Variants in SNX8 observed in about 807,000 individuals in gnomAD.
SNX8 encodes sorting nexin 8, also known as sorting nexin-8.
SNX8 carries 25 observed loss-of-function variants against 51.6 expected under a neutral mutation model. That is an observed-to-expected ratio of 0.48 (90% confidence interval 0.35 to 0.68). The LOEUF is 0.68. SNX8 is among the 30% of genes least tolerant of loss of function. The pLI, the probability that SNX8 is intolerant of heterozygous loss-of-function variation, is 0.00. For missense variants in SNX8, 695 were observed against 624.0 expected, an observed-to-expected ratio of 1.11 and a Z score of -1.21; for synonymous variants, 324 against 277.0, an observed-to-expected ratio of 1.17 and a Z score of -1.68.
chr7:2,275,118 G>C lies in SNX8; in HGVS notation c.412C>G (p.Leu138Val). 6.2e-7 allele frequency: 1 copy of C among 1,609,380 alleles called. No individual in the cohort carries two copies. Among genetic ancestry groups the C allele is most frequent in the African/African-American group, 1.3e-5 (1 of 74,980 alleles). ...MVPALPPKRM[L>V]GADREFIEAR... Reference sequence around the variant, plus strand: ...GCAGCACGCCTGGCTTTACCTCCCAGCATTCTCTTGGGTGGCAGGGCAGGC... The same window carrying C: ...GCAGCACGCCTGGCTTTACCTCCCACCATTCTCTTGGGTGGCAGGGCAGGC... The change falls in exon 3 of 11, where the codon CTG becomes GTG. Residue 138 changes from leucine to valine, a missense_variant. Coordinates refer to ENST00000222990, the MANE Select transcript of SNX8 (RefSeq NM_013321.4).
At chr7:2,353,513 C>T (rs1779213712) in intron 1 of SNX8, among the ~76,000 whole-genome samples, 3 of 152,122 alleles carry the variant, frequency 2.0e-5, no homozygotes, top group Admixed American at 1.3e-4. Flanking sequence ...AACTCTTGGG[C>T]TCAAGTGATC....
chr7:2,317,562 C>G (rs1393387491), upstream of SNX8, among the ~76,000 whole-genome samples: 1 of 151,842 alleles, frequency 6.6e-6, no homozygotes, highest in Non-Finnish European at 1.5e-5. Flanking sequence ...CAGGTGTGAG[C>G]CACCGTGCCC....
At chr7:2,258,146 G>A (rs1385035646) in intron 7 of SNX8, among the ~76,000 whole-genome samples, 2 of 152,092 alleles carry the variant, frequency 1.3e-5, no homozygotes, top group African/African-American at 2.4e-5. Flanking sequence ...GAGTAGCTGG[G>A]ACTACAGGCG....
intron 1 of SNX8, among the ~76,000 whole-genome samples, chr7:2,335,003 C>A (rs912990598): frequency 2.0e-5 from 3 of 152,034 alleles, no homozygotes; most frequent in Middle Eastern, 3.4e-3. Context: ...CGAGGCCAGC[C>A]TGTCCAATGT....
At chr7:2,285,202 A>T (rs1795998857) in intron 1 of SNX8, among the ~76,000 whole-genome samples, 1 of 130,572 alleles carries the variant, frequency 7.7e-6, no homozygotes, top group Admixed American at 9.1e-5. Context: ...ACAGAGCAAG[A>T]CTCCGTCTCA....
intron 1 of SNX8, among the ~76,000 whole-genome samples, chr7:2,345,013 G>T (rs1778995317): frequency 6.6e-6 from 1 of 152,188 alleles, no homozygotes; most frequent in South Asian, 2.1e-4. Context: ...GCTGGAGGGA[G>T]TGTAAATTGG....
At chr7:2,263,180 G>C in intron 7 of SNX8, 50 bp downstream of exon 7, 1 of 1,603,660 alleles carries the variant, frequency 6.2e-7, no homozygotes, top group East Asian at 2.2e-5. Context: ...CCCATGCAAA[G>C]GCATAGCGTG....
At chr7:2,329,594 C>T (rs1169087409) in intron 1 of SNX8, among the ~76,000 whole-genome samples, 1 of 152,192 alleles carries the variant, frequency 6.6e-6, no homozygotes, top group Non-Finnish European at 1.5e-5. Context: ...CTTCCCCCAC[C>T]TTAAGACTGT....
intron 1 of SNX8, among the ~76,000 whole-genome samples, chr7:2,288,828 G>A (rs973562740): frequency 2.6e-5 from 4 of 152,082 alleles, no homozygotes; most frequent in Non-Finnish European, 4.4e-5. Flanking sequence ...TGACGTCCCC[G>A]GCTCAAGCAA....
At chr7:2,271,782 G>A (rs1245227320) in intron 4 of SNX8, 68 bp downstream of exon 4, 34 of 1,533,908 alleles carry the variant, frequency 2.2e-5, no homozygotes, top group Non-Finnish European at 3.0e-5. Flanking sequence ...ACCTGAGAGA[G>A]GAAAAGGCGG....
chr7:2,292,964 G>A (rs1796187669), intron 1 of SNX8, among the ~76,000 whole-genome samples: 2 of 151,960 alleles, frequency 1.3e-5, no homozygotes, highest in Admixed American at 6.6e-5. Context: ...AGGCTGCAGT[G>A]AGCTACAATC....
In SNX8 at chr7:2,314,440, G is replaced by C; in HGVS notation, c.-19C>G. On this transcript the variant is annotated 5_prime_UTR_variant, in exon 1 of 11. Coordinates refer to ENST00000222990, the MANE Select transcript of SNX8 (RefSeq NM_013321.4). Reference sequence around the variant, plus strand: ...CAGTCATGTGAGCCCGCGCTCCCACGTGACTTCCTCCCGCGCCACCCGGCC... The same window carrying C: ...CAGTCATGTGAGCCCGCGCTCCCACCTGACTTCCTCCCGCGCCACCCGGCC... The C allele has an allele frequency of 8.3e-7, 1 of 1,209,570 alleles. No individual in the cohort carries two copies. The highest frequency in any genetic ancestry group is 1.0e-6 in the Non-Finnish European group (1 of 973,534). The allele number at this position is 1,209,570 out of a possible 1,614,324, so 74.9% of individuals were successfully genotyped here. A position where few individuals can be genotyped will look rare whatever the true frequency, so the allele number is the denominator to read the frequency against.
At chr7:2,265,950 A>G (rs954602979) in intron 5 of SNX8, among the ~76,000 whole-genome samples, 11 of 152,046 alleles carry the variant, frequency 7.2e-5, no homozygotes, top group Non-Finnish European at 1.3e-4. Context: ...CATCTATACC[A>G]AAAACAAACA....
At chr7:2,291,812 C>A (rs538820688) in intron 1 of SNX8, among the ~76,000 whole-genome samples, 5 of 152,150 alleles carry the variant, frequency 3.3e-5, no homozygotes, top group African/African-American at 1.2e-4. Flanking sequence ...CCTTTTTGAA[C>A]CTTCCTCAAC....
At position 2,303,368 on chromosome 7, in the gene SNX8, T is replaced by C. The variant is rs376978940; in HGVS notation, c.94+10960A>G. The stretch of plus-strand genomic sequence containing the variant: ...CCCCCGCCCAGCCAGCCGCCCCGTC[T>C]GGGAGGTGAGGGGCGCCTCTGCCCG... On this transcript the variant is annotated intron_variant, in intron 1 of 10. Transcript: ENST00000222990. Among the ~76,000 whole-genome samples the C allele has an allele frequency of 9.3e-4, 133 of 142,930 alleles. 1 individual carries two copies. The highest frequency in any genetic ancestry group is 3.0e-3 in the African/African-American group (114 of 38,198). The allele number at this position is 142,930 out of a possible 152,430, so 93.8% of individuals were successfully genotyped here. A position where few individuals can be genotyped will look rare whatever the true frequency, so the allele number is the denominator to read the frequency against.
chr7:2,326,184 T>C (rs1562458648), intron 1 of SNX8, among the ~76,000 whole-genome samples: 1 of 150,886 alleles, frequency 6.6e-6, no homozygotes, highest in Non-Finnish European at 1.5e-5. Flanking sequence ...GGCAAAATAG[T>C]GAGACCCCTG....
intron 1 of SNX8, among the ~76,000 whole-genome samples, chr7:2,297,969 A>C (rs1018323130): frequency 3.3e-5 from 5 of 152,008 alleles, no homozygotes; most frequent in African/African-American, 1.2e-4. Context: ...ATAAAAACCC[A>C]GCCTCGACCA....
intron 5 of SNX8, 36 bp downstream of exon 5, chr7:2,269,523 T>TAAAAAAA: frequency 1.1e-6 from 1 of 893,730 alleles, no homozygotes. Context: ...AAAAATAAAT[T>TAAAAAAA]AAAAAAAAAA....
Position 2,278,290 on chromosome 7 carries a change from T to A in SNX8, c.110A>T (p.Gln37Leu). ...DPPASDLPTP[Q>L]AIEPQAIVQQ... The stretch of plus-strand genomic sequence containing the variant: ...CACGATGGCCTGGGGCTCGATGGCC[T>A]GGGGTGTCGGCAGATCTGCAGGGGA... Residue 37 changes from glutamine (Q) to leucine (L), a missense_variant, in exon 2 of 11, where the codon CAG becomes CTG. Coordinates refer to ENST00000222990, the MANE Select transcript of SNX8 (RefSeq NM_013321.4). 6.3e-7 allele frequency: 1 copy of A among 1,579,608 alleles called. No individual in the cohort carries two copies.
Sources: gnomAD v4.1 joint callset for allele counts (sites outside exome capture counted in the v4.1 genomes callset) on GRCh38, gnomAD v4.1.1 for gene constraint, MANE v1.5 for transcripts, NCBI Gene and HGNC (gene_info 2026-07-23, HGNC 2026-07-21) for gene names.